CEP63: variants seen among roughly 807,000 people sequenced by gnomAD.
CEP63 encodes centrosomal protein 63, also known as centrosomal protein of 63 kDa.
In CEP63, 84 loss-of-function variants were observed where a neutral mutation model predicts 89.1. That is an observed-to-expected ratio of 0.94 (90% CI 0.79 to 1.13). The LOEUF is 1.13. Ranked by LOEUF, CEP63 falls within the 50% of genes most tolerant of loss-of-function variation. The probability of loss-of-function intolerance (pLI) is 0.00; values close to 1 mark genes in which losing one functional copy is unlikely to be tolerated. For synonymous variants in CEP63, 267 were observed against 272.5 expected (o/e 0.98, Z 0.20); for missense variants, 838 against 813.3 (o/e 1.03, Z -0.37).
At chr3:134,571,679 TCAA>T (rs772911275) in intron 11 of CEP63, among the ~76,000 whole-genome samples, 29 of 151,884 alleles carry the variant, frequency 1.9e-4, no homozygotes, top group African/African-American at 5.8e-4. Context: ...AGACTCTGTC[TCAA>T]CAACAACAAC....
At chr3:134,515,729 T>C (rs2108630017) in intron 3 of CEP63, among the ~76,000 whole-genome samples, 1 of 152,340 alleles carries the variant, frequency 6.6e-6, no homozygotes, top group South Asian at 2.1e-4. Flanking sequence ...GTTTCCAATC[T>C]TTTGGCTTCC....
At chr3:134,486,025 C>A, upstream of CEP63, 11 of 983,422 alleles carry the variant, frequency 1.1e-5, no homozygotes, top group Non-Finnish European at 1.2e-5. Context: ...CGTGTCTGCA[C>A]TCGCTTTCCT....
chr3:134,638,514 G>C, the CEP63 span, among the ~76,000 whole-genome samples: 1 of 152,128 alleles, frequency 6.6e-6, no homozygotes, highest in African/African-American at 2.4e-5. Flanking sequence ...AGCTCCACCA[G>C]TTGTCAACAA....
At chr3:134,673,367 A>G in the CEP63 span, among the ~76,000 whole-genome samples, 1 of 152,056 alleles carries the variant, frequency 6.6e-6, no homozygotes, top group Admixed American at 6.5e-5. Flanking sequence ...TCCAGTCCTG[A>G]AGTCCCACCC....
intron 6 of CEP63, among the ~76,000 whole-genome samples, chr3:134,539,707 G>A (rs1951597965): frequency 6.6e-6 from 1 of 151,930 alleles, no homozygotes; most frequent in African/African-American, 2.4e-5. Context: ...AAAAATCTCT[G>A]TATAATTTTT....
At chr3:134,644,661 C>T in the CEP63 span, among the ~76,000 whole-genome samples, 1 of 152,212 alleles carries the variant, frequency 6.6e-6, no homozygotes, top group East Asian at 1.9e-4. Context: ...GGGCATTGGC[C>T]TGAACAGGTG....
At chr3:134,638,701 T>A in the CEP63 span, among the ~76,000 whole-genome samples, 1 of 152,260 alleles carries the variant, frequency 6.6e-6, no homozygotes, top group Non-Finnish European at 1.5e-5. Context: ...AATGTCCACA[T>A]GCTTACTGCC....
the CEP63 span, chr3:134,625,007 A>C: frequency 2.0e-6 from 3 of 1,524,902 alleles, no homozygotes; most frequent in Non-Finnish European, 2.7e-6. Flanking sequence ...CTAGAACTCT[A>C]AGCCACCTTG....
At chr3:134,493,945 A>G (rs1306031611) in intron 1 of CEP63, among the ~76,000 whole-genome samples, 1 of 152,202 alleles carries the variant, frequency 6.6e-6, no homozygotes, top group Non-Finnish European at 1.5e-5. Context: ...GCATTTTGGA[A>G]TGAAAAGTGG....
Position 134,564,161 on chromosome 3 carries a change from CT to C in CEP63, c.*2629del. On this transcript the variant is annotated 3_prime_UTR_variant, in exon 15 of 15. Transcript: ENST00000675561. ...AATTAAAACTCCTTGAGGGCAAGGACTTTGCTTCTCTGGTTCATGGTGGGAT... is the reference window on the plus strand; with the variant it reads ...AATTAAAACTCCTTGAGGGCAAGGACTTGCTTCTCTGGTTCATGGTGGGAT... The C allele has an allele frequency of 6.5e-6, 4 of 614,086 alleles. No individual in the cohort carries two copies. Among genetic ancestry groups the C allele is most frequent in the Non-Finnish European group, 8.1e-6 (4 of 490,830 alleles). The allele number at this position is 614,086 out of a possible 1,614,324, so 38.0% of individuals were successfully genotyped here. A position where few individuals can be genotyped will look rare whatever the true frequency, so the allele number is the denominator to read the frequency against.
chr3:134,729,509 A>T, the CEP63 span, among the ~76,000 whole-genome samples: 1,067 of 152,290 alleles, frequency 7.0e-3, 11 homozygotes, highest in African/African-American at 0.023. Context: ...TCTGCTGCAA[A>T]AGAAGTTTGT....
intron 3 of CEP63, among the ~76,000 whole-genome samples, chr3:134,526,269 T>G (rs1159014401): frequency 6.6e-6 from 1 of 152,166 alleles, no homozygotes; most frequent in Non-Finnish European, 1.5e-5. Flanking sequence ...GGCATGTTTT[T>G]CAGCTCTATC....
chr3:134,564,698 T>C lies in CEP63; in HGVS notation c.*3163T>C, dbSNP rs944007305. The C allele has an allele frequency of 5.1e-6, 5 of 985,298 alleles. No homozygotes were observed. The highest frequency in any genetic ancestry group is 6.1e-5 in the Admixed American group (1 of 16,270). 61.0% of individuals were successfully genotyped at this position (985,298 alleles called of 1,614,324 possible). ...GAAAGGGCTTTGCAGTTTTAAGTAC[T>C]GTACCTATGTGCATTGCTGTTACAT... On this transcript the variant is annotated 3_prime_UTR_variant, in exon 15 of 15. Transcript: ENST00000675561.
the CEP63 span, among the ~76,000 whole-genome samples, chr3:134,686,914 G>C: frequency 2.6e-5 from 4 of 152,142 alleles, no homozygotes; most frequent in Non-Finnish European, 4.4e-5. Flanking sequence ...TAGCATGGAA[G>C]TTTGTTTTCT....
the CEP63 span, among the ~76,000 whole-genome samples, chr3:134,737,113 G>A: frequency 2.6e-5 from 4 of 152,184 alleles, no homozygotes; most frequent in Admixed American, 6.5e-5. Flanking sequence ...GGGATATAAA[G>A]TGAAATTGAA....
chr3:134,650,805 C>T, the CEP63 span: 26 of 1,554,968 alleles, frequency 1.7e-5, no homozygotes, highest in Non-Finnish European at 2.0e-5. Flanking sequence ...ACCCGGGGAC[C>T]CGGGTCGGGC....
At chr3:134,693,992 G>A in the CEP63 span, among the ~76,000 whole-genome samples, 1 of 152,336 alleles carries the variant, frequency 6.6e-6, no homozygotes, top group East Asian at 1.9e-4. Context: ...AATGTTGGCA[G>A]CCATCCCACG....
chr3:134,530,586 A>G (rs1358961145), intron 3 of CEP63, among the ~76,000 whole-genome samples: 5 of 152,196 alleles, frequency 3.3e-5, no homozygotes, highest in Non-Finnish European at 5.9e-5. Flanking sequence ...GAAGTTTTAC[A>G]TGGTTAAATT....
At chr3:134,754,863 C>T in the CEP63 span, among the ~76,000 whole-genome samples, 12 of 152,256 alleles carry the variant, frequency 7.9e-5, 1 homozygote, top group East Asian at 2.3e-3. Flanking sequence ...TTCCCCCTAG[C>T]CCAATGAGTA....
Sources: gnomAD v4.1 joint callset for allele counts (sites outside exome capture counted in the v4.1 genomes callset) on GRCh38, gnomAD v4.1.1 for gene constraint, MANE v1.5 for transcripts, NCBI Gene and HGNC (gene_info 2026-07-23, HGNC 2026-07-21) for gene names.